CSMD2: variants seen among roughly 807,000 people sequenced by gnomAD.
The protein encoded by CSMD2 is CUB and sushi domain-containing protein 2.
CSMD2 carries 130 observed loss-of-function variants against 398.5 expected under a neutral mutation model. That is an observed-to-expected ratio of 0.33 (90% CI 0.28 to 0.38). The LOEUF (loss-of-function observed/expected upper bound fraction) is 0.38. CSMD2 is among the 10% of genes least tolerant of loss of function. CSMD2 has a pLI of 1.00. For missense variants in CSMD2, 3,829 were observed against 4,764.9 expected (o/e 0.80, Z 5.78); for synonymous variants, 1,828 against 1,908.5 (o/e 0.96, Z 1.10).
intron 1 of CSMD2, among the ~76,000 whole-genome samples, chr1:34,155,453 A>C (rs1326211195): frequency 3.3e-5 from 5 of 152,192 alleles, no homozygotes; most frequent in Non-Finnish European, 7.3e-5. Flanking sequence ...CCAAGCAGTC[A>C]ACTCTCCGAG....
intron 7 of CSMD2, 33 bp from the exon 8 acceptor site, chr1:33,820,589 CAG>C: frequency 1.3e-6 from 1 of 776,970 alleles, no homozygotes; most frequent in Non-Finnish European, 1.9e-6. Context: ...AAAAAAAAAA[CAG>C]CACACACAGA....
At chr1:33,864,736 G>A (rs148700851) in intron 5 of CSMD2, 11 of 1,609,490 alleles carry the variant, frequency 6.8e-6, no homozygotes, top group Middle Eastern at 3.3e-4. Context: ...AGAGGGAAAA[G>A]AGTCAGGCAG....
intron 11 of CSMD2, among the ~76,000 whole-genome samples, chr1:33,789,042 G>GT (rs1298784308): frequency 2.6e-5 from 4 of 152,030 alleles, no homozygotes; most frequent in Non-Finnish European, 4.4e-5. Flanking sequence ...CAATCAAGAG[G>GT]GTGTCTACAT....
chr1:33,660,371 G>C (rs1315715761), intron 26 of CSMD2, among the ~76,000 whole-genome samples: 4 of 152,028 alleles, frequency 2.6e-5, no homozygotes, highest in Non-Finnish European at 5.9e-5. Context: ...TCCTGAATTG[G>C]AGCTGCTTGG....
rs1008148494 is a variant in CSMD2 at position 33,563,751 on chromosome 1, T to C, written c.8380+3842A>G. Among the ~76,000 whole-genome samples, 7 of 152,156 alleles carry C rather than the reference T, an allele frequency of 4.6e-5. No homozygotes were observed. In the South Asian group the frequency reaches 1.5e-3, roughly 32 times the overall value. Reference sequence around the variant, plus strand: ...TTGCTGAGAACGTAGGTAGGGGCGATGGAATATAAGTCTTCAGAAAGGAGG... The same window carrying C: ...TTGCTGAGAACGTAGGTAGGGGCGACGGAATATAAGTCTTCAGAAAGGAGG... On this transcript the variant is annotated intron_variant, in intron 53 of 70. Coordinates refer to ENST00000373381, the MANE Select transcript of CSMD2 (RefSeq NM_001281956.2).
At chr1:33,517,279 TG>T (rs1653851128) in intron 70 of CSMD2, among the ~76,000 whole-genome samples, 1 of 152,196 alleles carries the variant, frequency 6.6e-6, no homozygotes, top group Non-Finnish European at 1.5e-5. Context: ...ACCTGTGGGC[TG>T]GGCAGTGGGT....
intron 1 of CSMD2, among the ~76,000 whole-genome samples, chr1:34,101,958 T>C (rs1347381678): frequency 1.3e-5 from 2 of 152,204 alleles, no homozygotes; most frequent in African/African-American, 4.8e-5. Flanking sequence ...TTTTGTCATA[T>C]TTGTTGCAAA....
chr1:34,135,812 G>A (rs1638693503), intron 1 of CSMD2, among the ~76,000 whole-genome samples: 1 of 151,892 alleles, frequency 6.6e-6, no homozygotes, highest in South Asian at 2.1e-4. Context: ...TCCCATTTTT[G>A]TGAAATATAA....
chr1:33,559,173 C>T lies in CSMD2; in HGVS notation c.8554+127G>A. On this transcript the variant is annotated intron_variant, in intron 54 of 70. Transcript: ENST00000373381. The surrounding 1 kb of genome is among the most constrained non-coding windows in gnomAD (Gnocchi z 4.0). The stretch of plus-strand genomic sequence containing the variant: ...GAAAGTCCTCATTTATGACCCTTCT[C>T]TGCTCCATCTTCCCTATCTGGATCA... 1.2e-6 allele frequency: 1 copy of T among 844,726 alleles called. No individual in the cohort carries two copies. Among genetic ancestry groups the T allele is most frequent in the South Asian group, 2.0e-5 (1 of 50,672 alleles). 52.3% of individuals were successfully genotyped at this position (844,726 alleles called of 1,614,324 possible).
At chr1:34,106,172 T>C (rs1423831224) in intron 1 of CSMD2, among the ~76,000 whole-genome samples, 1 of 152,074 alleles carries the variant, frequency 6.6e-6, no homozygotes, top group Non-Finnish European at 1.5e-5. Flanking sequence ...CAGTGGATTG[T>C]AGGAGACAGA....
chr1:33,540,391 G>A, intron 60 of CSMD2, 134 bp downstream of exon 60: 1 of 812,732 alleles, frequency 1.2e-6, no homozygotes, highest in African/African-American at 1.7e-5. Flanking sequence ...CTTTAATAGT[G>A]TCTTTGATGA....
chr1:33,892,313 A>T (rs534585270), intron 5 of CSMD2, among the ~76,000 whole-genome samples: 10 of 152,048 alleles, frequency 6.6e-5, no homozygotes, highest in Admixed American at 3.3e-4. Flanking sequence ...CTTAAAAAAA[A>T]TTATTGATTT....
At chr1:33,841,273 C>G (rs777359040) in intron 6 of CSMD2, among the ~76,000 whole-genome samples, 2 of 152,142 alleles carry the variant, frequency 1.3e-5, no homozygotes, top group Non-Finnish European at 2.9e-5. Context: ...AAGGGAGAGC[C>G]AGAGGCACCA....
rs1643113083 is a variant in CSMD2, at chr1:33,906,721, A to C, written c.920+11373T>G. Among the ~76,000 whole-genome samples the C allele has an allele frequency of 2.0e-5, 3 of 152,140 alleles. No individual in the cohort carries two copies. In the South Asian group the frequency reaches 6.2e-4, roughly 31 times the overall value. Reference sequence around the variant, plus strand: ...ATATTGGTGGTCCATCAAAGTGGAGATGTCCATCAGGTAGCTGGCTCTACA... The same window carrying C: ...ATATTGGTGGTCCATCAAAGTGGAGCTGTCCATCAGGTAGCTGGCTCTACA... On this transcript the variant is annotated intron_variant, in intron 5 of 70. Transcript: ENST00000373381.
chr1:33,777,049 T>A (rs1652081599), intron 12 of CSMD2, among the ~76,000 whole-genome samples: 1 of 151,752 alleles, frequency 6.6e-6, no homozygotes, highest in Non-Finnish European at 1.5e-5. Context: ...GTAGAAAGTG[T>A]CAGAGCTGAA....
intron 5 of CSMD2, among the ~76,000 whole-genome samples, chr1:33,847,227 G>A (rs1245701978): frequency 6.6e-6 from 1 of 152,004 alleles, no homozygotes; most frequent in Non-Finnish European, 1.5e-5. Flanking sequence ...CTGCTGGGAG[G>A]AGGCAACTGA....
intron 12 of CSMD2, among the ~76,000 whole-genome samples, chr1:33,787,812 T>C (rs1186662663): frequency 6.6e-6 from 1 of 152,122 alleles, no homozygotes. Context: ...GGGTATCTCC[T>C]GGGCCCCAGG....
intron 13 of CSMD2, among the ~76,000 whole-genome samples, chr1:33,762,183 G>C (rs1278455168): frequency 4.6e-5 from 7 of 152,188 alleles, no homozygotes; most frequent in Admixed American, 3.9e-4. Context: ...TTCACCAAGA[G>C]GCTCAAAGAA....
intron 13 of CSMD2, among the ~76,000 whole-genome samples, chr1:33,751,374 G>A (rs1389517012): frequency 6.6e-6 from 1 of 152,134 alleles, no homozygotes; most frequent in Non-Finnish European, 1.5e-5. Context: ...AAAGACTGCT[G>A]AGCGCCATGT....
Sources: allele counts gnomAD v4.1 joint callset (sites outside exome capture counted in the v4.1 genomes callset), GRCh38; gene constraint gnomAD v4.1.1; non-coding constraint Gnocchi (gnomAD v3.1); transcripts MANE v1.5; gene names NCBI Gene and HGNC (gene_info 2026-07-23, HGNC 2026-07-21).